CARD8: variants seen among roughly 807,000 people sequenced by gnomAD.
CARD8 encodes caspase recruitment domain family member 8.
A neutral mutation model predicts 53.2 loss-of-function variants in CARD8; 38 were observed. The observed-to-expected ratio is 0.71, with a 90% CI of 0.55 to 0.94. CARD8 has a LOEUF of 0.94. CARD8 is among the 40% of genes least tolerant of loss of function. CARD8 has a pLI of 0.00. For synonymous variants in CARD8, 245 were observed against 244.9 expected (o/e 1.00, Z 0.00); for missense variants, 561 against 655.5 (o/e 0.86, Z 1.57).
chr19:48,209,361 G>T lies in CARD8; in HGVS notation c.*2349C>A, dbSNP rs779743680. On this transcript the variant is annotated 3_prime_UTR_variant, in exon 14 of 14. Transcript: ENST00000651546. ...TGCAGGAAAATAGAATATAAGGCAAGAAATTTAAAATATAGAGAACAAAAT... is the reference window on the plus strand; with the variant it reads ...TGCAGGAAAATAGAATATAAGGCAATAAATTTAAAATATAGAGAACAAAAT... The T allele has an allele frequency of 8.6e-5, 13 of 151,220 alleles. No individual in the cohort carries two copies. The highest frequency in any genetic ancestry group is 1.6e-4 in the Non-Finnish European group (11 of 67,840). The allele number at this position is 151,220 out of a possible 1,614,324, so 9.4% of individuals were successfully genotyped here. A position where few individuals can be genotyped will look rare whatever the true frequency, so the allele number is the denominator to read the frequency against.
Position 48,230,480 on chromosome 19 carries a change from C to T in CARD8, c.993G>A (p.Lys331=). 1.2e-6 allele frequency: 2 copies of T among 1,613,720 alleles called. No individual in the cohort carries two copies. The highest frequency in any genetic ancestry group is 1.7e-6 in the Non-Finnish European group (2 of 1,179,756). Residue 331 remains lysine (K), a synonymous_variant, in exon 10 of 14, where the codon AAG becomes AAA. Coordinates refer to ENST00000651546, the MANE Select transcript of CARD8 (RefSeq NM_001184900.3). ...CGCTGGGGACAAGGTACAAGTGGAACTTAATATCTTCGGGGTGGGGGTGAT... is the reference window on the plus strand; with the variant it reads ...CGCTGGGGACAAGGTACAAGTGGAATTTAATATCTTCGGGGTGGGGGTGAT... ...IYYHPHPEDI[K]FHLYLVPSDA...
intron 4 of CARD8, 53 bp downstream of exon 4, chr19:48,240,909 A>C: frequency 1.4e-6 from 2 of 1,394,460 alleles, no homozygotes; most frequent in South Asian, 2.5e-5. Context: ...AACTATAACG[A>C]AACACAGAAG....
At chr19:48,249,490 G>T (rs1292074840) in intron 3 of CARD8, 33 bp downstream of exon 3, 2 of 152,312 alleles carry the variant, frequency 1.3e-5, no homozygotes, top group Non-Finnish European at 2.9e-5. Flanking sequence ...AAACTCTGCA[G>T]AAGTAAGTGT....
chr19:48,208,969 G>A lies in CARD8; in HGVS notation c.*2741C>T, dbSNP rs2037607318. On this transcript the variant is annotated 3_prime_UTR_variant, in exon 14 of 14. Coordinates refer to ENST00000651546, the MANE Select transcript of CARD8 (RefSeq NM_001184900.3). ...ACTGCACTCCAGCCTAGATGACAGA[G>A]CGAGACTCCATCTCAAAAAAAAAAA... 1 of 115,686 alleles carries A rather than the reference G, an allele frequency of 8.6e-6. No individual in the cohort carries two copies. The allele number at this position is 115,686 out of a possible 1,614,324, so 7.2% of individuals were successfully genotyped here. A position where few individuals can be genotyped will look rare whatever the true frequency, so the allele number is the denominator to read the frequency against.
intron 10 of CARD8, among the ~76,000 whole-genome samples, chr19:48,229,913 A>G (rs113366364): frequency 0.04 from 6,070 of 152,140 alleles, 390 homozygotes; most frequent in African/African-American, 0.13. Context: ...AGGAGTTCAA[A>G]ACCAGCCTGG....
At chr19:48,207,734 G>GTTTTTTTTTTTTT (rs758903014), downstream of CARD8, among the ~76,000 whole-genome samples, 33 of 116,524 alleles carry the variant, frequency 2.8e-4, 4 homozygotes, top group African/African-American at 9.6e-4. Flanking sequence ...TTGTTTTTCT[G>GTTTTTTTTTTTTT]TTTTTTTTTT....
intron 3 of CARD8, among the ~76,000 whole-genome samples, chr19:48,241,310 C>T (rs997994809): frequency 3.3e-5 from 5 of 152,136 alleles, no homozygotes; most frequent in African/African-American, 1.2e-4. Context: ...GGCTGGAGTG[C>T]AATGGCGAGA....
rs373116174 is a variant in CARD8, at chr19:48,239,741, G to A, written c.60-1209C>T. Among the ~76,000 whole-genome samples, 8 of 152,280 alleles carry A rather than the reference G, an allele frequency of 5.3e-5. No individual in the cohort carries two copies. In the South Asian group the frequency reaches 1.2e-3, roughly 24 times the overall value. On this transcript the variant is annotated intron_variant, in intron 4 of 13. Transcript: ENST00000651546. ...TCTGCCCGCCTCCGCCTCCCAAAGT[G>A]CTCGGATTACAGGCGTGAGTCACCA...
chr19:48,220,996 A>AGGG (rs1182512844), intron 11 of CARD8, among the ~76,000 whole-genome samples: 1 of 105,378 alleles, frequency 9.5e-6, no homozygotes, highest in African/African-American at 3.7e-5. Context: ...GAAGGAAGGA[A>AGGG]AGAAAGAAAG....
At chr19:48,205,476 C>T (rs1400064900), downstream of CARD8, among the ~76,000 whole-genome samples, 3 of 152,158 alleles carry the variant, frequency 2.0e-5, no homozygotes, top group African/African-American at 7.2e-5. Flanking sequence ...GAGATTCACC[C>T]ACCTCAGTCT....
downstream of CARD8, chr19:48,204,160 C>T (rs750268207): frequency 1.5e-4 from 70 of 455,340 alleles, 1 homozygote; most frequent in Middle Eastern, 1.4e-3. Context: ...GAGGCGGACG[C>T]GGGAAACCTG....
rs1412252732 is a variant in CARD8, at chr19:48,211,093, A to G, written c.*617T>C. The G allele has an allele frequency of 6.6e-6, 1 of 152,450 alleles. No homozygotes were observed. The highest frequency in any genetic ancestry group is 1.5e-5 in the Non-Finnish European group (1 of 68,128). The allele number at this position is 152,450 out of a possible 1,614,324, so 9.4% of individuals were successfully genotyped here. A position where few individuals can be genotyped will look rare whatever the true frequency, so the allele number is the denominator to read the frequency against. On this transcript the variant is annotated 3_prime_UTR_variant, in exon 14 of 14. Coordinates refer to ENST00000651546, the MANE Select transcript of CARD8 (RefSeq NM_001184900.3). Reference sequence around the variant, plus strand: ...ACCCAACAACTCCTTGTAGCAGGCTACACACCAGTGGGAAAATATTTTCTG... The same window carrying G: ...ACCCAACAACTCCTTGTAGCAGGCTGCACACCAGTGGGAAAATATTTTCTG...
At chr19:48,223,357 T>C (rs2041081924) in intron 10 of CARD8, among the ~76,000 whole-genome samples, 1 of 151,178 alleles carries the variant, frequency 6.6e-6, no homozygotes, top group Admixed American at 6.6e-5. Flanking sequence ...AAGAAAAGGA[T>C]GGCCCATGGA....
chr19:48,232,598 G>A, intron 6 of CARD8, 105 bp from the exon 7 acceptor site: 1 of 934,670 alleles, frequency 1.1e-6, no homozygotes, highest in South Asian at 1.4e-5. Context: ...CTGTCCCGTA[G>A]AGTAGCCGCT....
At chr19:48,251,422 C>T (rs781404460) in intron 1 of CARD8, among the ~76,000 whole-genome samples, 3 of 152,068 alleles carry the variant, frequency 2.0e-5, no homozygotes, top group African/African-American at 4.8e-5. Context: ...TTGTGTGATC[C>T]GCATATCAGC....
At chr19:48,232,518 C>T (rs1262269650) in intron 6 of CARD8, 25 bp from the exon 7 acceptor site, 59 of 1,531,102 alleles carry the variant, frequency 3.9e-5, no homozygotes, top group Non-Finnish European at 4.9e-5. Context: ...CCCCATGTTA[C>T]AAAAAGATGA....
chr19:48,228,878 C>T (rs2042302036), intron 10 of CARD8, among the ~76,000 whole-genome samples: 1 of 152,126 alleles, frequency 6.6e-6, no homozygotes, highest in East Asian at 1.9e-4. Flanking sequence ...GTGGCTCATG[C>T]CTGTAATCCC....
At chr19:48,245,749 TG>T (rs2046001142) in intron 3 of CARD8, among the ~76,000 whole-genome samples, 1 of 149,190 alleles carries the variant, frequency 6.7e-6, no homozygotes, top group Non-Finnish European at 1.5e-5. Flanking sequence ...TATATATAAT[TG>T]TATTATATAT....
chr19:48,238,721 T>C (rs1387771244), intron 4 of CARD8, among the ~76,000 whole-genome samples, 189 bp from the exon 5 acceptor site: 2 of 152,134 alleles, frequency 1.3e-5, no homozygotes, highest in Non-Finnish European at 2.9e-5. Context: ...AGAGATGCCA[T>C]CCTTAGAGAC....
Sources: gnomAD v4.1 joint callset for allele counts (sites outside exome capture counted in the v4.1 genomes callset) on GRCh38, gnomAD v4.1.1 for gene constraint, MANE v1.5 for transcripts, NCBI Gene and HGNC (gene_info 2026-07-23, HGNC 2026-07-21) for gene names.